KCNIP4: variants seen among roughly 807,000 people sequenced by gnomAD.
The protein encoded by KCNIP4 is Kv channel-interacting protein 4.
KCNIP4 carries 12 observed loss-of-function variants against 34.0 expected under a neutral mutation model. The observed-to-expected ratio is 0.35, with a 90% CI of 0.23 to 0.57. The LOEUF is 0.57. KCNIP4 is among the 20% of genes least tolerant of loss of function. The pLI, the probability that KCNIP4 is intolerant of heterozygous loss-of-function variation, is 0.83. For missense variants in KCNIP4, 238 were observed against 311.7 expected (o/e 0.76, Z 1.78); for synonymous variants, 124 against 102.2 (o/e 1.21, Z -1.29).
At position 21,711,910 on chromosome 4, in the gene KCNIP4, T is replaced by C. The variant is rs2860034; in HGVS notation, c.61+236661A>G. On this transcript the variant is annotated intron_variant, in intron 1 of 8. Coordinates refer to ENST00000382152, the MANE Select transcript of KCNIP4 (RefSeq NM_025221.6). Reference sequence around the variant, plus strand: ...AGGTTTTATTATCCTTCAAAAAGGATAGGAAAACTGAGGCTGGGAAGGGTT... The same window carrying C: ...AGGTTTTATTATCCTTCAAAAAGGACAGGAAAACTGAGGCTGGGAAGGGTT... Among the ~76,000 whole-genome samples, 1,227 of 152,270 alleles carry C rather than the reference T, an allele frequency of 8.1e-3. 15 individuals carry two copies. Among genetic ancestry groups the C allele is most frequent in the African/African-American group, 0.028 (1,156 of 41,548 alleles).
intron 1 of KCNIP4, among the ~76,000 whole-genome samples, chr4:21,836,266 T>A (rs1026291304): frequency 6.6e-6 from 1 of 152,134 alleles, no homozygotes. Flanking sequence ...TCAGCTGCAC[T>A]TCTTGATGAC....
At chr4:21,103,327 T>C (rs1432847477) in intron 1 of KCNIP4, among the ~76,000 whole-genome samples, 1 of 146,440 alleles carries the variant, frequency 6.8e-6, no homozygotes, top group Non-Finnish European at 1.5e-5. Flanking sequence ...TAATATAAAA[T>C]ATATATAATA....
intron 1 of KCNIP4, among the ~76,000 whole-genome samples, chr4:21,505,516 C>T (rs1733770431): frequency 6.6e-6 from 1 of 152,184 alleles, no homozygotes; most frequent in African/African-American, 2.4e-5. Flanking sequence ...TCCCCTCTGC[C>T]TGGGACTTCT....
intron 1 of KCNIP4, among the ~76,000 whole-genome samples, chr4:20,984,910 T>C (rs570089453): frequency 6.6e-6 from 1 of 151,196 alleles, no homozygotes; most frequent in East Asian, 1.9e-4. Flanking sequence ...GAGTGTGTGT[T>C]ATTAAGAAGC....
At position 21,611,861 on chromosome 4, in the gene KCNIP4, A is replaced by G. The variant is rs145027421; in HGVS notation, c.61+336710T>C. Among the ~76,000 whole-genome samples the G allele has an allele frequency of 1.3e-4, 20 of 152,298 alleles. No homozygotes were observed. The East Asian group carries it at 3.9e-3, about 29-fold the overall frequency. On this transcript the variant is annotated intron_variant, in intron 1 of 8. Coordinates refer to ENST00000382152, the MANE Select transcript of KCNIP4 (RefSeq NM_025221.6). Reference sequence around the variant, plus strand: ...CGGAAAGGTACAAGACCAACTATGGAAGAATCCAATGCCTCCAAGCATTAC... The same window carrying G: ...CGGAAAGGTACAAGACCAACTATGGGAGAATCCAATGCCTCCAAGCATTAC...
chr4:21,900,927 A>C (rs1727671056), intron 1 of KCNIP4, among the ~76,000 whole-genome samples: 1 of 152,174 alleles, frequency 6.6e-6, no homozygotes, highest in Non-Finnish European at 1.5e-5. Context: ...TCAGTGTTCA[A>C]CATGCAGGCT....
At chr4:20,749,618 A>C (rs1175371495) in intron 5 of KCNIP4, 44 bp downstream of exon 5, 1 of 1,365,696 alleles carries the variant, frequency 7.3e-7, no homozygotes, top group Non-Finnish European at 1.0e-6. Context: ...TAAAAAGACT[A>C]AACTCTAAAT....
At position 21,476,568 on chromosome 4, in the gene KCNIP4, C is replaced by T. The variant is rs200599482; in HGVS notation, c.61+472003G>A. Among the ~76,000 whole-genome samples the T allele has an allele frequency of 1.2e-4, 18 of 152,288 alleles. No homozygotes were observed. The East Asian group carries it at 1.5e-3, about 13-fold the overall frequency. ...CACCTTGATCTTGGACTTACACCGT[C>T]CAGAACTGTGAGAATATAAATTTCT... On this transcript the variant is annotated intron_variant, in intron 1 of 8. Transcript: ENST00000382152.
intron 1 of KCNIP4, among the ~76,000 whole-genome samples, chr4:21,139,137 C>T (rs910008344): frequency 4.6e-5 from 7 of 152,070 alleles, no homozygotes; most frequent in Non-Finnish European, 7.4e-5. Context: ...TAAAAAGAAT[C>T]CCACATCACA....
At chr4:20,884,948 ACCTTGG>A (rs1467876047) in intron 1 of KCNIP4, among the ~76,000 whole-genome samples, 92 of 151,862 alleles carry the variant, frequency 6.1e-4, no homozygotes, top group Non-Finnish European at 6.8e-4. Flanking sequence ...TGATCCACCC[ACCTTGG>A]CCTGCCAAAG....
chr4:21,541,847 T>C (rs991751697), intron 1 of KCNIP4, among the ~76,000 whole-genome samples: 1 of 151,854 alleles, frequency 6.6e-6, no homozygotes, highest in Non-Finnish European at 1.5e-5. Flanking sequence ...CTCCTTATGT[T>C]GCTCAGGCTC....
rs994967367 is a variant in KCNIP4 at position 21,372,957 on chromosome 4, G to A, written c.62-490248C>T. Among the ~76,000 whole-genome samples, 21 of 146,014 alleles carry A rather than the reference G, an allele frequency of 1.4e-4. 2 individuals carry two copies. The highest frequency in any genetic ancestry group is 5.3e-4 in the African/African-American group (19 of 36,014). ...ACTTAGCTGTGCCTCATATGGTTGT[G>A]TTGATAGGATTTAATTTAAGTGACT... On this transcript the variant is annotated intron_variant, in intron 1 of 8. Transcript: ENST00000382152.
At position 21,109,310 on chromosome 4, in the gene KCNIP4, C is replaced by T. The variant is rs561613655; in HGVS notation, c.62-226601G>A. Among the ~76,000 whole-genome samples, 4 of 152,328 alleles carry T rather than the reference C, an allele frequency of 2.6e-5. No homozygotes were observed. The East Asian group carries it at 5.8e-4, about 22-fold the overall frequency. ...CTAAGCAAGCCTAGGCAATGGCAGGCGCCCCTCCCCCAGCCTCGCTGCTGC... is the reference window on the plus strand; with the variant it reads ...CTAAGCAAGCCTAGGCAATGGCAGGTGCCCCTCCCCCAGCCTCGCTGCTGC... On this transcript the variant is annotated intron_variant, in intron 1 of 8. Transcript: ENST00000382152.
At chr4:21,929,535 G>A (rs764421801) in intron 1 of KCNIP4, among the ~76,000 whole-genome samples, 9 of 152,138 alleles carry the variant, frequency 5.9e-5, no homozygotes, top group African/African-American at 9.6e-5. Context: ...TTACGCCATC[G>A]TTCTCCACTA....
intron 3 of KCNIP4, among the ~76,000 whole-genome samples, chr4:20,817,560 G>A (rs925273267): frequency 6.6e-6 from 1 of 151,796 alleles, no homozygotes; most frequent in African/African-American, 2.4e-5. Flanking sequence ...TGCCTAACAA[G>A]CTTAATTATT....
chr4:21,413,850 T>G (rs1724718331), intron 1 of KCNIP4, among the ~76,000 whole-genome samples: 1 of 152,222 alleles, frequency 6.6e-6, no homozygotes, highest in Non-Finnish European at 1.5e-5. Context: ...CTGCAGCAGT[T>G]CAACCTATTT....
chr4:21,239,013 G>A (rs1358438865), intron 1 of KCNIP4, among the ~76,000 whole-genome samples: 2 of 152,008 alleles, frequency 1.3e-5, no homozygotes, highest in African/African-American at 2.4e-5. Context: ...CATGGTACTG[G>A]TACCAAAACA....
chr4:20,945,165 A>G (rs907785312), intron 1 of KCNIP4, among the ~76,000 whole-genome samples: 1 of 152,200 alleles, frequency 6.6e-6, no homozygotes, highest in African/African-American at 2.4e-5. Context: ...AATTCTTAAA[A>G]ATGCAGAATA....
chr4:21,651,461 G>A (rs1747473952), intron 1 of KCNIP4, among the ~76,000 whole-genome samples: 1 of 152,132 alleles, frequency 6.6e-6, no homozygotes, highest in African/African-American at 2.4e-5. Context: ...TCTCACAACT[G>A]TTTAGAGAAA....
Sources: gnomAD v4.1 joint callset for allele counts (sites outside exome capture counted in the v4.1 genomes callset) on GRCh38, gnomAD v4.1.1 for gene constraint, MANE v1.5 for transcripts, NCBI Gene and HGNC (gene_info 2026-07-23, HGNC 2026-07-21) for gene names.